Variants in EEF2K observed in about 807,000 individuals in gnomAD.
EEF2K encodes eukaryotic elongation factor 2 kinase.
Under a neutral mutation model 93.8 loss-of-function variants are expected in EEF2K, and 70 were observed. The ratio of observed to expected loss-of-function variants is 0.75; its 90% CI spans 0.62 to 0.91. The LOEUF is 0.91. EEF2K is among the 40% of genes least tolerant of loss of function. The pLI is 0.00. For synonymous variants in EEF2K, 376 were observed against 380.8 expected, an observed-to-expected ratio of 0.99 and a Z score of 0.15; for missense variants, 935 against 972.9, an observed-to-expected ratio of 0.96 and a Z score of 0.52.
chr16:22,217,307 G>T (rs938166061), intron 1 of EEF2K, among the ~76,000 whole-genome samples: 16 of 151,966 alleles, frequency 1.1e-4, no homozygotes, highest in Non-Finnish European at 1.6e-4. Context: ...TGGGAAGTAG[G>T]GCTGCCCGTG....
At position 22,244,574 on chromosome 16, in the gene EEF2K, C is replaced by T. The variant is rs954323140; in HGVS notation, c.247-56C>T. ...ACAGGGCAGGAGGAGTCCACGCTGT[C>T]CCCAAAGCCCCTGACCTGGGCCTGA... On this transcript the variant is annotated intron_variant, in intron 2 of 17. Coordinates refer to ENST00000263026, the MANE Select transcript of EEF2K (RefSeq NM_013302.5). 72 of 1,571,676 alleles carry T rather than the reference C, an allele frequency of 4.6e-5. 1 individual carries two copies. In the Admixed American group the frequency reaches 1.2e-3, roughly 26 times the overall value.
chr16:22,250,073 T>C (rs1567275956), intron 4 of EEF2K, among the ~76,000 whole-genome samples: 2 of 151,992 alleles, frequency 1.3e-5, no homozygotes, highest in African/African-American at 4.8e-5. Context: ...TGAACCACTG[T>C]GCCCAGCCTT....
In EEF2K at chr16:22,244,651, C is replaced by T. The variant is rs137985480; in HGVS notation, c.268C>T (p.Gln90Ter). 3.7e-4 allele frequency: 600 copies of T among 1,613,912 alleles called. 1 individual carries two copies. Among genetic ancestry groups the T allele is most frequent in the Admixed American group, 4.5e-4 (27 of 59,976 alleles). ...ACAGGAAGCCTGGAAGCACGCAATC[C>T]AGAAGGCCAAGCACATGCCCGACCC... is the stretch of plus-strand genomic sequence containing the variant. ...HFKEAWKHAI[Q>*]KAKHMPDPWA... Residue 90 changes from glutamine to a stop codon, truncating the protein, a stop_gained, in exon 3 of 18, where the codon CAG (glutamine) becomes TAG (stop). Coordinates refer to ENST00000263026, the MANE Select transcript of EEF2K (RefSeq NM_013302.5). LOFTEE classifies it high-confidence loss of function.
intron 3 of EEF2K, among the ~76,000 whole-genome samples, chr16:22,248,213 C>T (rs1001267802): frequency 9.9e-5 from 15 of 152,018 alleles, no homozygotes; most frequent in African/African-American, 3.6e-4. Flanking sequence ...TACAGGCATG[C>T]ACCACCATGC....
chr16:22,269,526 T>C (rs1194451707), intron 15 of EEF2K, among the ~76,000 whole-genome samples: 1 of 151,972 alleles, frequency 6.6e-6, no homozygotes, highest in East Asian at 1.9e-4. Context: ...CTCAGTCTCC[T>C]GAGTAGCTGG....
At chr16:22,208,666 G>A (rs2046886990) in intron 1 of EEF2K, among the ~76,000 whole-genome samples, 2 of 152,096 alleles carry the variant, frequency 1.3e-5, no homozygotes, top group Admixed American at 1.3e-4. Context: ...TGGGGGTGCT[G>A]AGGCGGGAGG....
chr16:22,285,515 G>C lies in EEF2K; in HGVS notation c.*1519G>C, dbSNP rs1326785459. 2.6e-5 allele frequency: 4 copies of C among 152,170 alleles called. No individual in the cohort carries two copies. Among genetic ancestry groups the C allele is most frequent in the Non-Finnish European group, 4.4e-5 (3 of 68,036 alleles). The allele number at this position is 152,170 out of a possible 1,614,324, so 9.4% of individuals were successfully genotyped here. ...CTCTCACATTAGTATGATTTCATTT[G>C]ATGTTTCAAATAGCAAAGATGCTAG... is the stretch of plus-strand genomic sequence containing the variant. On this transcript the variant is annotated 3_prime_UTR_variant, in exon 18 of 18. Transcript: ENST00000263026.
chr16:22,219,952 A>G (rs2046995456), intron 1 of EEF2K, among the ~76,000 whole-genome samples: 1 of 152,046 alleles, frequency 6.6e-6, no homozygotes, highest in Non-Finnish European at 1.5e-5. Context: ...CAAGGGGCAC[A>G]CTCCCTTTAA....
rs913240794 is a variant in EEF2K, at chr16:22,265,034, C to T, written c.1440+154C>T. 45 of 759,138 alleles carry T rather than the reference C, an allele frequency of 5.9e-5. No homozygotes were observed. In the East Asian group the frequency reaches 1.3e-3, roughly 21 times the overall value. The allele number at this position is 759,138 out of a possible 1,614,324, so 47.0% of individuals were successfully genotyped here. On this transcript the variant is annotated intron_variant, in intron 13 of 17. Coordinates refer to ENST00000263026, the MANE Select transcript of EEF2K (RefSeq NM_013302.5). ...GCAAAGCAGCAAATCTGGGCAAATG[C>T]TCTTTGAACCTCTGCAGGGCAGGAT...
At chr16:22,268,696 C>T (rs2047548604) in intron 15 of EEF2K, among the ~76,000 whole-genome samples, 1 of 151,922 alleles carries the variant, frequency 6.6e-6, no homozygotes, top group Non-Finnish European at 1.5e-5. Context: ...TGGCTCACAC[C>T]TGTAATCCCA....
chr16:22,279,025 C>A (rs1165429768), intron 16 of EEF2K, among the ~76,000 whole-genome samples: 2 of 152,048 alleles, frequency 1.3e-5, no homozygotes, highest in African/African-American at 4.8e-5. Flanking sequence ...CTGCAGAGGA[C>A]CCCGCCCCCA....
chr16:22,266,491 C>T lies in EEF2K; in HGVS notation c.1542C>T (p.Leu514=), dbSNP rs767918552. Residue 514 remains leucine (L), a synonymous_variant, in exon 14 of 18, where the codon CTC becomes CTT. Coordinates refer to ENST00000263026, the MANE Select transcript of EEF2K (RefSeq NM_013302.5). The part of the protein sequence containing the change: ...LEVQRLNALD[L]EKKIGKSILG... The stretch of plus-strand genomic sequence containing the variant: ...TGCAAAGGCTTAATGCTCTGGACCT[C>T]GAAAAGAAAATCGGGAAGTCCATTT... 32 of 1,614,096 alleles carry T rather than the reference C, an allele frequency of 2.0e-5. No individual in the cohort carries two copies. Among genetic ancestry groups the T allele is most frequent in the South Asian group, 4.4e-5 (4 of 91,084 alleles).
chr16:22,254,441 C>G (rs1834411388), intron 6 of EEF2K, among the ~76,000 whole-genome samples: 1 of 152,144 alleles, frequency 6.6e-6, no homozygotes, highest in African/African-American at 2.4e-5. Flanking sequence ...GTCTGCATGT[C>G]TGGTGACCCA....
intron 16 of EEF2K, among the ~76,000 whole-genome samples, chr16:22,276,417 C>G (rs1269834162): frequency 6.6e-6 from 1 of 152,140 alleles, no homozygotes; most frequent in African/African-American, 2.4e-5. Context: ...CTGCTCTAGT[C>G]ATTTCCTTAT....
intron 2 of EEF2K, among the ~76,000 whole-genome samples, chr16:22,238,649 CAAAAAAAAA>C (rs2047191745): frequency 1.3e-5 from 1 of 75,644 alleles, no homozygotes; most frequent in African/African-American, 5.1e-5. Context: ...TACCTGGTCT[CAAAAAAAAA>C]GAAAAAAGGA....
At position 22,280,219 on chromosome 16, in the gene EEF2K, C is replaced by G. The variant is rs1346251801; in HGVS notation, c.1911C>G (p.Ala637=). 1 of 1,564,660 alleles carries G rather than the reference C, an allele frequency of 6.4e-7. No individual in the cohort carries two copies. Among genetic ancestry groups the G allele is most frequent in the African/African-American group, 1.4e-5 (1 of 72,610 alleles). The change falls in exon 17 of 18, where the codon GCC becomes GCG. Residue 637 remains alanine (A), a synonymous_variant. Coordinates refer to ENST00000263026, the MANE Select transcript of EEF2K (RefSeq NM_013302.5). ...CAAGGTGCCAAGACTGGCTAGAGGC[C>G]CTGCACTGGTACAACACTGCCCTGG... The part of the protein sequence containing the change: ...SPDRCQDWLE[A]LHWYNTALEM...
At chr16:22,222,834 G>A (rs2047027705) in intron 1 of EEF2K, among the ~76,000 whole-genome samples, 1 of 151,982 alleles carries the variant, frequency 6.6e-6, no homozygotes, top group Non-Finnish European at 1.5e-5. Flanking sequence ...AGTGAGCCGA[G>A]ATTGTGCCAC....
chr16:22,231,387 A>T (rs1275388296), intron 2 of EEF2K, among the ~76,000 whole-genome samples: 1 of 151,790 alleles, frequency 6.6e-6, no homozygotes, highest in Non-Finnish European at 1.5e-5. Flanking sequence ...AAGTGCTGGG[A>T]TTACAGGCAT....
intron 15 of EEF2K, among the ~76,000 whole-genome samples, chr16:22,267,321 G>A (rs2047534578): frequency 1.3e-5 from 2 of 152,114 alleles, no homozygotes; most frequent in African/African-American, 4.8e-5. Flanking sequence ...AGGCCAGAGT[G>A]GTGGCTTAAA....
Sources: gnomAD v4.1 joint callset for allele counts (sites outside exome capture counted in the v4.1 genomes callset) on GRCh38, gnomAD v4.1.1 for gene constraint, MANE v1.5 for transcripts, NCBI Gene and HGNC (gene_info 2026-07-23, HGNC 2026-07-21) for gene names.